Variants in PLPP1 observed in about 807,000 individuals in gnomAD.
The protein encoded by PLPP1 is phospholipid phosphatase 1.
In PLPP1, 24 loss-of-function variants were observed where a neutral mutation model predicts 31.2. That is an observed-to-expected ratio of 0.77 (90% CI 0.56 to 1.08). The LOEUF (loss-of-function observed/expected upper bound fraction) is 1.08. PLPP1 is among the 50% of genes least tolerant of loss of function. The pLI is 0.00. For synonymous variants in PLPP1, 146 were observed against 126.3 expected (o/e 1.16, Z -1.05); for missense variants, 319 against 342.7 (o/e 0.93, Z 0.55).
At chr5:55,471,447 G>T (rs1561235923) in intron 2 of PLPP1, among the ~76,000 whole-genome samples, 3 of 152,068 alleles carry the variant, frequency 2.0e-5, no homozygotes, top group Admixed American at 2.0e-4. Context: ...TGATCCACCC[G>T]CCTTGGCCTC....
intron 1 of PLPP1, among the ~76,000 whole-genome samples, chr5:55,478,874 A>C (rs1342723759): frequency 6.6e-6 from 1 of 152,220 alleles, no homozygotes; most frequent in Non-Finnish European, 1.5e-5. Context: ...AGGAAATATA[A>C]GAAAATAAGC....
At chr5:55,499,793 A>C (rs753892853) in intron 1 of PLPP1, among the ~76,000 whole-genome samples, 6 of 152,174 alleles carry the variant, frequency 3.9e-5, no homozygotes, top group Non-Finnish European at 8.8e-5. Context: ...CCGCAATGCT[A>C]AGGTACTTGC....
chr5:55,441,058 T>C (rs1055939196), intron 4 of PLPP1, among the ~76,000 whole-genome samples: 2 of 152,192 alleles, frequency 1.3e-5, no homozygotes, highest in Non-Finnish European at 2.9e-5. Context: ...TAGTGTTTTA[T>C]TAATACTTTA....
Position 55,534,957 on chromosome 5 carries a change from T to G in PLPP1, c.-328A>C, listed in dbSNP as rs931978475. On this transcript the variant is annotated 5_prime_UTR_variant, in exon 1 of 6. Coordinates refer to ENST00000307259, the MANE Select transcript of PLPP1 (RefSeq NM_003711.4). ...TTGCTCCCCGTCCGGATCCCGGCGC[T>G]CTCTCCCACAGGCGGGGCGTCCAGA... The G allele has an allele frequency of 2.8e-6, 1 of 354,306 alleles. No homozygotes were observed. The highest frequency in any genetic ancestry group is 2.2e-5 in the African/African-American group (1 of 46,120). The allele number at this position is 354,306 out of a possible 1,614,324, so 21.9% of individuals were successfully genotyped here.
chr5:55,434,977 G>T (rs1751459145), intron 4 of PLPP1, among the ~76,000 whole-genome samples: 1 of 152,166 alleles, frequency 6.6e-6, no homozygotes, highest in Non-Finnish European at 1.5e-5. Flanking sequence ...TTGAATGGGA[G>T]AAAATATTTG....
At chr5:55,428,914 C>A (rs1184880622) in intron 4 of PLPP1, among the ~76,000 whole-genome samples, 1 of 152,116 alleles carries the variant, frequency 6.6e-6, no homozygotes, top group Non-Finnish European at 1.5e-5. Flanking sequence ...CAGACAGGCT[C>A]GGCAGCAACA....
rs769811117 is a variant in PLPP1 at position 55,426,043 on chromosome 5, A to AAAG, written c.550-7_550-5dup. 1.2e-5 allele frequency: 19 copies of AAAG among 1,575,228 alleles called. No homozygotes were observed. The highest frequency in any genetic ancestry group is 1.5e-5 in the Non-Finnish European group (17 of 1,167,640). Reference sequence around the variant, plus strand: ...TCATCCTGGCTTGAAGATAAAGCTAAAAGAAAAGAATAAAGAAAAAAATAG... The same window carrying AAAG: ...TCATCCTGGCTTGAAGATAAAGCTAAAAGAAGAAAAGAATAAAGAAAAAAATAG... On this transcript the variant is annotated splice_polypyrimidine_tract_variant and splice_region_variant and intron_variant, in intron 4 of 5. Coordinates refer to ENST00000307259, the MANE Select transcript of PLPP1 (RefSeq NM_003711.4).
intron 1 of PLPP1, among the ~76,000 whole-genome samples, chr5:55,505,572 G>GA (rs1009129335): frequency 2.0e-5 from 3 of 150,454 alleles, no homozygotes; most frequent in Admixed American, 1.3e-4. Context: ...CTGTAACGGA[G>GA]AAAAAAAAAG....
At chr5:55,510,350 G>C (rs1753378582) in intron 1 of PLPP1, among the ~76,000 whole-genome samples, 1 of 152,154 alleles carries the variant, frequency 6.6e-6, no homozygotes, top group Admixed American at 6.5e-5. Context: ...ATATAGGATA[G>C]AGAACACATC....
intron 3 of PLPP1, among the ~76,000 whole-genome samples, chr5:55,448,845 A>C (rs888441949): frequency 6.6e-6 from 1 of 152,206 alleles, no homozygotes; most frequent in Non-Finnish European, 1.5e-5. Flanking sequence ...TGGATGCTCA[A>C]GTCCCTGATA....
At chr5:55,448,384 A>G (rs1751816108) in intron 3 of PLPP1, among the ~76,000 whole-genome samples, 1 of 151,998 alleles carries the variant, frequency 6.6e-6, no homozygotes, top group Non-Finnish European at 1.5e-5. Context: ...TATGTCTCCT[A>G]GAGAAATGCA....
intron 1 of PLPP1, among the ~76,000 whole-genome samples, chr5:55,495,656 A>G (rs7723584): frequency 5.3e-4 from 80 of 152,204 alleles, no homozygotes; most frequent in African/African-American, 1.7e-3. Context: ...GCATTGTTCA[A>G]TATCGGGTTG....
At chr5:55,497,565 T>C (rs1753029372) in intron 1 of PLPP1, among the ~76,000 whole-genome samples, 1 of 151,830 alleles carries the variant, frequency 6.6e-6, no homozygotes, top group African/African-American at 2.4e-5. Context: ...CACAGAACTT[T>C]TAATAAAAGA....
intron 1 of PLPP1, among the ~76,000 whole-genome samples, chr5:55,499,850 G>T (rs1444502882): frequency 1.3e-5 from 2 of 151,026 alleles, no homozygotes; most frequent in East Asian, 1.9e-4. Flanking sequence ...TACCATAAAA[G>T]AATATATATT....
chr5:55,459,857 C>T (rs532783744), intron 3 of PLPP1, among the ~76,000 whole-genome samples: 3 of 152,292 alleles, frequency 2.0e-5, no homozygotes, highest in African/African-American at 7.2e-5. Context: ...CTCTCCTCTT[C>T]CTCCTCCTCA....
In PLPP1 at chr5:55,483,968, C is replaced by T. The variant is rs116352534; in HGVS notation, c.59-8518G>A. Among the ~76,000 whole-genome samples the T allele has an allele frequency of 6.5e-3, 994 of 152,248 alleles. 16 individuals are homozygous for T. Among genetic ancestry groups the T allele is most frequent in the African/African-American group, 0.023 (962 of 41,536 alleles). On this transcript the variant is annotated intron_variant, in intron 1 of 5. Coordinates refer to ENST00000307259, the MANE Select transcript of PLPP1 (RefSeq NM_003711.4). ...AGCTACTAACTCACTATGCAATGCA[C>T]GCTTAAGATAAAGTTCATCATTAAT...
intron 4 of PLPP1, among the ~76,000 whole-genome samples, chr5:55,439,206 T>C (rs1304823378): frequency 2.0e-5 from 3 of 152,136 alleles, no homozygotes; most frequent in Non-Finnish European, 2.9e-5. Context: ...ACAACCTAAT[T>C]TGGTAAGTAA....
At chr5:55,528,937 A>G (rs1208317771) in intron 1 of PLPP1, among the ~76,000 whole-genome samples, 2 of 152,118 alleles carry the variant, frequency 1.3e-5, no homozygotes, top group Admixed American at 6.6e-5. Context: ...GAACATACCC[A>G]ATTTTGACTA....
At chr5:55,508,471 T>C (rs531758513) in intron 1 of PLPP1, among the ~76,000 whole-genome samples, 1 of 152,324 alleles carries the variant, frequency 6.6e-6, no homozygotes, top group African/African-American at 2.4e-5. Context: ...CTTAAGTCAT[T>C]GCCTAGAACA....
Sources: gnomAD v4.1 joint callset for allele counts (sites outside exome capture counted in the v4.1 genomes callset) on GRCh38, gnomAD v4.1.1 for gene constraint, MANE v1.5 for transcripts, NCBI Gene and HGNC (gene_info 2026-07-23, HGNC 2026-07-21) for gene names.